TMC2: variants seen among roughly 807,000 people sequenced by gnomAD.
The protein encoded by TMC2 is transmembrane channel like 2.
TMC2 carries 102 observed loss-of-function variants against 105.9 expected under a neutral mutation model. The ratio of observed to expected loss-of-function variants is 0.96; its 90% CI spans 0.82 to 1.14. TMC2 has a LOEUF of 1.14. Among genes scored for constraint, TMC2 ranks in the 50% most tolerant of loss-of-function variants. The pLI is 0.00. For synonymous variants in TMC2, 402 were observed against 422.8 expected, an observed-to-expected ratio of 0.95 and a Z score of 0.60; for missense variants, 1,093 against 1,134.3, an observed-to-expected ratio of 0.96 and a Z score of 0.52.
chr20:2,598,999 A>G (rs1225988399), intron 10 of TMC2, among the ~76,000 whole-genome samples: 2 of 152,210 alleles, frequency 1.3e-5, no homozygotes, highest in East Asian at 3.9e-4. Context: ...GGACTATTTT[A>G]GGGTTCTAAG....
chr20:2,574,326 G>A (rs1255005970), intron 5 of TMC2, among the ~76,000 whole-genome samples: 1 of 151,926 alleles, frequency 6.6e-6, no homozygotes, highest in Non-Finnish European at 1.5e-5. Context: ...ATATGAATTT[G>A]TGTGTGTTTG....
intron 17 of TMC2, among the ~76,000 whole-genome samples, chr20:2,630,522 C>A (rs956566831): frequency 6.6e-6 from 1 of 152,136 alleles, no homozygotes; most frequent in African/African-American, 2.4e-5. Flanking sequence ...CCTTAAAAAT[C>A]TGAAGTGTGC....
In TMC2 at chr20:2,537,272, G is replaced by A. The variant is rs141505256; in HGVS notation, c.38G>A (p.Arg13Gln). The A allele has an allele frequency of 3.9e-5, 62 of 1,602,834 alleles. No individual in the cohort carries two copies. The highest frequency in any genetic ancestry group is 3.3e-4 in the Middle Eastern group (2 of 6,064). ...HQVKGLKEEA[R>Q]GGVKGRVKSG... ...TCAGCAATCCTGTCTCTTACAGCAC[G>A]AGGCGGAGTGAAAGGGCGGGTGAAG... Residue 13 changes from arginine to glutamine, a missense_variant, in exon 2 of 20, where the codon CGA becomes CAA. Transcript: ENST00000358864.
At chr20:2,563,936 C>T (rs991155211) in intron 4 of TMC2, among the ~76,000 whole-genome samples, 1 of 152,056 alleles carries the variant, frequency 6.6e-6, no homozygotes, top group Non-Finnish European at 1.5e-5. Context: ...CTATGTTGCC[C>T]AGGCTGATCT....
intron 11 of TMC2, among the ~76,000 whole-genome samples, chr20:2,606,639 T>A (rs189780571): frequency 1.1e-4 from 16 of 152,174 alleles, no homozygotes; most frequent in African/African-American, 3.9e-4. Context: ...TAGGTTTTTT[T>A]AATTTGTTCT....
intron 17 of TMC2, among the ~76,000 whole-genome samples, chr20:2,631,875 T>C (rs993685602): frequency 1.3e-5 from 2 of 152,212 alleles, no homozygotes; most frequent in Non-Finnish European, 2.9e-5. Context: ...TGACCCTTTC[T>C]GTCTTTCCTC....
intron 10 of TMC2, 67 bp downstream of exon 10, chr20:2,597,365 T>A: frequency 6.7e-7 from 1 of 1,497,172 alleles, no homozygotes; most frequent in Non-Finnish European, 9.2e-7. Flanking sequence ...GAGAGACTTC[T>A]CCCAGCTGGG....
intron 10 of TMC2, 136 bp from the exon 11 acceptor site, chr20:2,601,977 C>A: frequency 1.8e-6 from 1 of 543,940 alleles, no homozygotes. Flanking sequence ...ATCCATAGGG[C>A]ACAGGGCATT....
chr20:2,642,448 T>C lies in TMC2; in HGVS notation c.*1097T>C, dbSNP rs1386161808. ...ACCTGCCTTACCCAGGGCAGAAAAA[T>C]CTTTTTCATGCACCAAATTCTAAAA... On this transcript the variant is annotated 3_prime_UTR_variant, in exon 20 of 20. Coordinates refer to ENST00000358864, the MANE Select transcript of TMC2 (RefSeq NM_080751.3). 6.6e-6 allele frequency among the ~76,000 whole-genome samples: 1 copy of C among 152,038 alleles called. No individual in the cohort carries two copies. The highest frequency in any genetic ancestry group is 1.5e-5 in the Non-Finnish European group (1 of 68,016).
chr20:2,610,357 A>G (rs2086426073), intron 11 of TMC2, 62 bp from the exon 12 acceptor site: 2 of 1,476,420 alleles, frequency 1.4e-6, no homozygotes, highest in South Asian at 2.6e-5. Context: ...ATGGGAGTGC[A>G]GAGATGGCAG....
In TMC2 at chr20:2,560,499, T is replaced by C. The variant is rs200942895; in HGVS notation, c.402-1359T>C. Among the ~76,000 whole-genome samples the C allele has an allele frequency of 1.8e-4, 27 of 152,184 alleles. No homozygotes were observed. The East Asian group carries it at 5.0e-3, about 28-fold the overall frequency. ...TTAGTCCTTTCCTTTACCTACCCGA[T>C]TGGGCGCTGTCTCACTCAGCTGAGA... On this transcript the variant is annotated intron_variant, in intron 3 of 19. Coordinates refer to ENST00000358864, the MANE Select transcript of TMC2 (RefSeq NM_080751.3).
Position 2,617,485 on chromosome 20 carries a change from C to T in TMC2, c.2180+174C>T, listed in dbSNP as rs1032064744. 10 of 845,620 alleles carry T rather than the reference C, an allele frequency of 1.2e-5. No homozygotes were observed. The Middle Eastern group carries it at 6.9e-4, about 58-fold the overall frequency. The allele number at this position is 845,620 out of a possible 1,614,324, so 52.4% of individuals were successfully genotyped here. ...TTCTGCCAGGATGGAAATGTTAGGT[C>T]GTTCTGTGTCTGCGCTGTTCATTTC... On this transcript the variant is annotated intron_variant, in intron 16 of 19. Transcript: ENST00000358864.
intron 16 of TMC2, among the ~76,000 whole-genome samples, chr20:2,620,761 C>A (rs1360127057): frequency 6.6e-6 from 1 of 152,166 alleles, no homozygotes; most frequent in Non-Finnish European, 1.5e-5. Context: ...AAGGGCAGAA[C>A]TGTGAACCCA....
intron 4 of TMC2, among the ~76,000 whole-genome samples, chr20:2,564,305 C>T (rs1022639979): frequency 6.6e-6 from 1 of 152,026 alleles, no homozygotes; most frequent in African/African-American, 2.4e-5. Flanking sequence ...CGCCCACCAC[C>T]GTGCCCAGCT....
rs776679114 is a variant in TMC2 at position 2,617,267 on chromosome 20, C to T, written c.2136C>T (p.Tyr712=). Residue 712 remains tyrosine (Y), a synonymous_variant, in exon 16 of 20, where the codon TAC becomes TAT. Coordinates refer to ENST00000358864, the MANE Select transcript of TMC2 (RefSeq NM_080751.3). ...VLFLSLLPVA[Y]TIMSLPPSFD... ...TCCTCAGCCTCCTGCCGGTGGCCTA[C>T]ACCATCATGTCCCTCCCACCCTCCT... 86 of 1,614,118 alleles carry T rather than the reference C, an allele frequency of 5.3e-5. No individual in the cohort carries two copies. The highest frequency in any genetic ancestry group is 6.8e-5 in the Non-Finnish European group (80 of 1,180,056).
At position 2,641,474 on chromosome 20, in the gene TMC2, G is replaced by C; in HGVS notation, c.*123G>C. 2 of 641,954 alleles carry C rather than the reference G, an allele frequency of 3.1e-6. No homozygotes were observed. Among genetic ancestry groups the C allele is most frequent in the Non-Finnish European group, 5.4e-6 (2 of 368,898 alleles). 39.8% of individuals were successfully genotyped at this position (641,954 alleles called of 1,614,324 possible). ...CATACATGCTCTGTCTCCTCTCTTGGAATGCATGAACTTTGATTCCTTCAG... is the reference window on the plus strand; with the variant it reads ...CATACATGCTCTGTCTCCTCTCTTGCAATGCATGAACTTTGATTCCTTCAG... On this transcript the variant is annotated 3_prime_UTR_variant, in exon 20 of 20. Transcript: ENST00000358864.
intron 3 of TMC2, among the ~76,000 whole-genome samples, chr20:2,559,214 A>C (rs974400817): frequency 2.0e-5 from 3 of 152,120 alleles, no homozygotes; most frequent in African/African-American, 4.8e-5. Context: ...GCTTAAGCAC[A>C]CCTCGTTCCG....
intron 5 of TMC2, among the ~76,000 whole-genome samples, chr20:2,573,287 A>G (rs1174515602): frequency 2.6e-5 from 4 of 152,052 alleles, no homozygotes; most frequent in African/African-American, 9.7e-5. Flanking sequence ...CCTTATCTAT[A>G]CAATATTTAG....
chr20:2,608,138 A>AAG (rs1555775752), intron 11 of TMC2, among the ~76,000 whole-genome samples: 3 of 148,126 alleles, frequency 2.0e-5, no homozygotes, highest in African/African-American at 7.5e-5. Context: ...AAAAAAAAAG[A>AAG]AAAAAAGAAA....
Sources: gnomAD v4.1 joint callset for allele counts (sites outside exome capture counted in the v4.1 genomes callset) on GRCh38, gnomAD v4.1.1 for gene constraint, MANE v1.5 for transcripts, NCBI Gene and HGNC (gene_info 2026-07-23, HGNC 2026-07-21) for gene names.